The following SCAPER variants were observed in gnomAD, a reference collection of about 807,000 sequenced individuals.
SCAPER encodes the protein S phase cyclin A-associated protein in the endoplasmic reticulum.
SCAPER carries 98 observed loss-of-function variants against 182.2 expected under a neutral mutation model. The ratio of observed to expected loss-of-function variants is 0.54; its 90% confidence interval spans 0.46 to 0.64. The LOEUF (loss-of-function observed/expected upper bound fraction) is 0.64, where lower values mean the gene tolerates loss of function less well. Among genes scored for constraint, SCAPER ranks in the 30% least tolerant of loss-of-function variants. The pLI is 0.00. For missense variants in SCAPER, 1,432 were observed against 1,690.0 expected, an observed-to-expected ratio of 0.85 and a Z score of 2.68; for synonymous variants, 605 against 564.6, an observed-to-expected ratio of 1.07 and a Z score of -1.01.
At chr15:76,456,770 TG>T (rs2048767945) in intron 25 of SCAPER, among the ~76,000 whole-genome samples, 2 of 152,236 alleles carry the variant, frequency 1.3e-5, no homozygotes, top group African/African-American at 4.8e-5. Flanking sequence ...TGTCAATTTT[TG>T]CTTCATGTAT....
chr15:76,427,178 T>C (rs939410246), intron 26 of SCAPER, among the ~76,000 whole-genome samples: 1 of 151,992 alleles, frequency 6.6e-6, no homozygotes, highest in East Asian at 1.9e-4. Flanking sequence ...AAAAATAAGA[T>C]CTTAAAACCA....
intron 21 of SCAPER, among the ~76,000 whole-genome samples, chr15:76,639,364 T>C (rs987447703): frequency 8.5e-5 from 13 of 152,218 alleles, no homozygotes; most frequent in African/African-American, 2.9e-4. Flanking sequence ...CCTCCCCTAT[T>C]ATATCATAGA....
rs542780668 is a variant in SCAPER, at chr15:76,735,553, T to G, written c.1867-2169A>C. The stretch of plus-strand genomic sequence containing the variant: ...TCTCTACTAAAATACAAAAAAAAAA[T>G]TAGCTGGGCGTGGCAGCATGCCCCT... On this transcript the variant is annotated intron_variant, in intron 15 of 31. Transcript: ENST00000563290. Among the ~76,000 whole-genome samples, 132 of 151,092 alleles carry G rather than the reference T, an allele frequency of 8.7e-4. 1 individual carries two copies. The highest frequency in any genetic ancestry group is 3.4e-3 in the Middle Eastern group (1 of 292).
intron 25 of SCAPER, among the ~76,000 whole-genome samples, chr15:76,447,312 TGTAA>T (rs1031098647): frequency 4.2e-4 from 64 of 152,278 alleles, no homozygotes; most frequent in African/African-American, 1.5e-3. Flanking sequence ...AACTGGTAAA[TGTAA>T]GTGTTTCCTT....
intron 26 of SCAPER, among the ~76,000 whole-genome samples, chr15:76,419,683 G>T (rs2045895171): frequency 6.6e-6 from 1 of 151,970 alleles, no homozygotes; most frequent in Non-Finnish European, 1.5e-5. Context: ...TTGTACCATT[G>T]CACTCCAGCC....
chr15:76,786,032 T>TA (rs986881347), intron 8 of SCAPER, among the ~76,000 whole-genome samples: 11 of 151,584 alleles, frequency 7.3e-5, no homozygotes, highest in South Asian at 2.1e-4. Context: ...TAATAATATT[T>TA]AAAAAAAATC....
rs145752732 is a variant in SCAPER, at chr15:76,511,271, G to T, written c.2839-6297C>A. Among the ~76,000 whole-genome samples the T allele has an allele frequency of 1.9e-4, 29 of 152,084 alleles. No individual in the cohort carries two copies. The East Asian group carries it at 3.7e-3, about 19-fold the overall frequency. Reference sequence around the variant, plus strand: ...TATGGAATAAATAAATAAAATAAAAGAAATAAATAAAATAGTAGATGCAAA... The same window carrying T: ...TATGGAATAAATAAATAAAATAAAATAAATAAATAAAATAGTAGATGCAAA... On this transcript the variant is annotated intron_variant, in intron 23 of 31. Coordinates refer to ENST00000563290, the MANE Select transcript of SCAPER (RefSeq NM_020843.4).
intron 14 of SCAPER, among the ~76,000 whole-genome samples, chr15:76,757,475 C>T (rs2062516348): frequency 6.6e-6 from 1 of 151,972 alleles, no homozygotes; most frequent in Admixed American, 6.6e-5. Flanking sequence ...CACACACACA[C>T]ACACTCAAAT....
intron 17 of SCAPER, among the ~76,000 whole-genome samples, chr15:76,723,545 A>C (rs28757439): frequency 1.3e-5 from 2 of 152,118 alleles, no homozygotes; most frequent in African/African-American, 2.4e-5. Flanking sequence ...AAAGTCTCCC[A>C]TTATTATTGT....
intron 24 of SCAPER, among the ~76,000 whole-genome samples, chr15:76,487,776 T>C (rs2143161715): frequency 6.6e-6 from 1 of 152,280 alleles, no homozygotes; most frequent in East Asian, 1.9e-4. Flanking sequence ...AGAGATCAGG[T>C]TGTTCTGCCT....
chr15:76,411,614 G>A (rs541397663), intron 26 of SCAPER, among the ~76,000 whole-genome samples: 1 of 152,198 alleles, frequency 6.6e-6, no homozygotes, highest in South Asian at 2.1e-4. Context: ...TTGTGAACAT[G>A]TGTTTTCATT....
chr15:76,868,267 C>T (rs2072434877), intron 2 of SCAPER, among the ~76,000 whole-genome samples: 1 of 152,124 alleles, frequency 6.6e-6, no homozygotes, highest in South Asian at 2.1e-4. Flanking sequence ...GTGGCTTACA[C>T]CTGCAATCCT....
intron 20 of SCAPER, among the ~76,000 whole-genome samples, chr15:76,700,638 C>A (rs62028178): frequency 0.077 from 11,766 of 152,252 alleles, 513 homozygotes; most frequent in Middle Eastern, 0.11. Flanking sequence ...GGGAGATGCT[C>A]TTCCTGGCTG....
At chr15:76,868,292 C>T (rs2072437355) in intron 2 of SCAPER, among the ~76,000 whole-genome samples, 1 of 152,038 alleles carries the variant, frequency 6.6e-6, no homozygotes, top group Admixed American at 6.6e-5. Flanking sequence ...CTTCGAGAGG[C>T]AGAGGCAGGA....
intron 22 of SCAPER, among the ~76,000 whole-genome samples, chr15:76,583,698 T>G (rs2048431246): frequency 6.6e-6 from 1 of 151,962 alleles, no homozygotes; most frequent in Non-Finnish European, 1.5e-5. Context: ...AACAGAAAAA[T>G]GCAAATCAAA....
At chr15:76,719,658 T>C (rs1248403842) in intron 17 of SCAPER, among the ~76,000 whole-genome samples, 1 of 152,140 alleles carries the variant, frequency 6.6e-6, no homozygotes, top group Non-Finnish European at 1.5e-5. Context: ...CATTATGATG[T>C]ATACCTTAAA....
intron 24 of SCAPER, among the ~76,000 whole-genome samples, chr15:76,483,708 A>G (rs1343579663): frequency 6.6e-6 from 1 of 152,182 alleles, no homozygotes; most frequent in Non-Finnish European, 1.5e-5. Flanking sequence ...ATACATCATC[A>G]AAGACACAGT....
intron 20 of SCAPER, among the ~76,000 whole-genome samples, chr15:76,682,024 C>A (rs987324584): frequency 2.0e-5 from 3 of 152,208 alleles, no homozygotes; most frequent in African/African-American, 7.2e-5. Flanking sequence ...GCAGCCCCAG[C>A]ATGACTGCAC....
intron 23 of SCAPER, among the ~76,000 whole-genome samples, chr15:76,565,140 A>G (rs1300995295): frequency 6.6e-6 from 1 of 152,206 alleles, no homozygotes; most frequent in East Asian, 1.9e-4. Context: ...AGCAATTGCA[A>G]CAAAAGCAAA....
Sources: allele counts gnomAD v4.1 joint callset (sites outside exome capture counted in the v4.1 genomes callset), GRCh38; gene constraint gnomAD v4.1.1; transcripts MANE v1.5; gene names NCBI Gene and HGNC (gene_info 2026-07-23, HGNC 2026-07-21).